VPS37A: variants seen among roughly 807,000 people sequenced by gnomAD.
The protein encoded by VPS37A is vacuolar protein sorting-associated protein 37A.
A neutral mutation model predicts 49.8 loss-of-function variants in VPS37A; 30 were observed. The observed-to-expected ratio is 0.60, with a 90% CI of 0.45 to 0.82. VPS37A has a LOEUF of 0.82. Among genes scored for constraint, VPS37A ranks in the 40% least tolerant of loss-of-function variants. The pLI is 0.00. For missense variants in VPS37A, 593 were observed against 464.4 expected, an observed-to-expected ratio of 1.28 and a Z score of -2.55; for synonymous variants, 195 against 160.6, an observed-to-expected ratio of 1.21 and a Z score of -1.62.
At chr8:17,331,080 C>G in the VPS37A span, 2 of 1,519,408 alleles carry the variant, frequency 1.3e-6, no homozygotes, top group Non-Finnish European at 1.8e-6. Context: ...AAAATCAAGA[C>G]TATCTTATTC....
chr8:17,287,122 TTAAGA>T (rs1367744596), intron 11 of VPS37A, among the ~76,000 whole-genome samples: 1 of 152,214 alleles, frequency 6.6e-6, no homozygotes, highest in Non-Finnish European at 1.5e-5. Context: ...GTACCTGATG[TTAAGA>T]TGCCTTTCCT....
At chr8:17,279,965 A>G (rs1291135283) in intron 6 of VPS37A, 63 bp from the exon 7 acceptor site, 1 of 1,602,556 alleles carries the variant, frequency 6.2e-7, no homozygotes, top group East Asian at 2.2e-5. Context: ...AATTGTAAAT[A>G]GTTGTCATGG....
chr8:17,248,297 T>A, intron 1 of VPS37A: 1 of 446,922 alleles, frequency 2.2e-6, no homozygotes. Flanking sequence ...GGTACGGCTC[T>A]CCTGTTGCCC....
chr8:17,300,432 C>G (rs1817040063), downstream of VPS37A: 2 of 580,816 alleles, frequency 3.4e-6, no homozygotes, highest in African/African-American at 3.7e-5. Flanking sequence ...TAATACCTGC[C>G]TTGACATAGG....
intron 11 of VPS37A, among the ~76,000 whole-genome samples, chr8:17,290,225 C>T (rs1336782343): frequency 6.6e-6 from 1 of 152,114 alleles, no homozygotes; most frequent in Non-Finnish European, 1.5e-5. Context: ...GCCAGAACTT[C>T]CAGTACTGTG....
the VPS37A span, among the ~76,000 whole-genome samples, chr8:17,331,563 C>T: frequency 3.3e-5 from 5 of 152,160 alleles, no homozygotes; most frequent in East Asian, 1.9e-4. Context: ...TTGCAGTCCC[C>T]GTCAGAGATG....
chr8:17,286,367 C>G lies in VPS37A; in HGVS notation c.1134C>G (p.Ala378=). 6.2e-7 allele frequency: 1 copy of G among 1,613,656 alleles called. No individual in the cohort carries two copies. The highest frequency in any genetic ancestry group is 8.5e-7 in the Non-Finnish European group (1 of 1,179,842). Residue 378 remains alanine (A), a synonymous_variant, in exon 11 of 12, where the codon GCC becomes GCG. Coordinates refer to ENST00000324849, the MANE Select transcript of VPS37A (RefSeq NM_152415.3). ...EKRTICHCRR[A]KEEKLQQAIA... ...TCTAGATTTGCCACTGTAGAAGAGC[C>G]AAGGAAGAGAAACTTCAGCAGGCGA... is the stretch of plus-strand genomic sequence containing the variant.
intron 1 of VPS37A, among the ~76,000 whole-genome samples, chr8:17,261,707 C>G (rs1395707238): frequency 6.6e-6 from 1 of 152,146 alleles, no homozygotes; most frequent in African/African-American, 2.4e-5. Flanking sequence ...CTAATAAGTA[C>G]CTGGAGCAGT....
intron 1 of VPS37A, among the ~76,000 whole-genome samples, chr8:17,256,614 TC>T (rs1300282520): frequency 6.7e-6 from 1 of 149,738 alleles, no homozygotes; most frequent in Non-Finnish European, 1.5e-5. Flanking sequence ...TGTTGATTGT[TC>T]CTTCGCTGTG....
At chr8:17,308,617 G>C in the VPS37A span, among the ~76,000 whole-genome samples, 2 of 152,150 alleles carry the variant, frequency 1.3e-5, no homozygotes, top group Non-Finnish European at 1.5e-5. Context: ...ACTAAGTACA[G>C]CTATACCATT....
At chr8:17,262,759 A>G (rs1299015230) in intron 1 of VPS37A, among the ~76,000 whole-genome samples, 1 of 152,188 alleles carries the variant, frequency 6.6e-6, no homozygotes, top group African/African-American at 2.4e-5. Flanking sequence ...AACATTATGC[A>G]GCCATTAAAA....
chr8:17,331,496 G>C, the VPS37A span, among the ~76,000 whole-genome samples: 2 of 152,250 alleles, frequency 1.3e-5, no homozygotes, highest in Non-Finnish European at 2.9e-5. Flanking sequence ...TGTCAGTGTG[G>C]GTCACATTTT....
chr8:17,327,655 A>G, the VPS37A span, among the ~76,000 whole-genome samples: 1 of 151,994 alleles, frequency 6.6e-6, no homozygotes, highest in Non-Finnish European at 1.5e-5. Context: ...AAAAAAAACT[A>G]TCTCTAAACC....
chr8:17,280,037 A>G lies in VPS37A; in HGVS notation c.723A>G (p.Gln241=). Residue 241 remains glutamine, a synonymous_variant, in exon 7 of 12, where the codon CAA becomes CAG. Coordinates refer to ENST00000324849, the MANE Select transcript of VPS37A (RefSeq NM_152415.3). ...TCTTTTGTGTTTCTAGTGTGTCACAACTCACAGATATGAATGAACAAGAGG... is the reference window on the plus strand; with the variant it reads ...TCTTTTGTGTTTCTAGTGTGTCACAGCTCACAGATATGAATGAACAAGAGG... ...FPELSELSVS[Q]LTDMNEQEEV... 1 of 1,610,666 alleles carries G rather than the reference A, an allele frequency of 6.2e-7. No homozygotes were observed. The highest frequency in any genetic ancestry group is 2.2e-5 in the East Asian group (1 of 44,776).
intron 1 of VPS37A, 100 bp downstream of exon 1, chr8:17,247,469 C>T: frequency 6.9e-7 from 1 of 1,458,232 alleles, no homozygotes; most frequent in Non-Finnish European, 9.2e-7. Context: ...CCCACCAGCT[C>T]CTCATGTGGT....
At chr8:17,304,300 C>G, downstream of VPS37A, 1 of 1,501,264 alleles carries the variant, frequency 6.7e-7, no homozygotes, top group Non-Finnish European at 9.2e-7. Flanking sequence ...CAGTGTCATA[C>G]ACTTTGACCT....
chr8:17,300,166 C>G, downstream of VPS37A: 1 of 1,614,102 alleles, frequency 6.2e-7, no homozygotes, highest in Non-Finnish European at 8.5e-7. Context: ...GCTGGGCTCA[C>G]TTTGCTTACT....
chr8:17,265,849 T>G, intron 1 of VPS37A, 58 bp from the exon 2 acceptor site: 1 of 1,611,396 alleles, frequency 6.2e-7, no homozygotes, highest in Non-Finnish European at 8.5e-7. Context: ...TTAACATTGG[T>G]TTTTAACAAT....
At chr8:17,331,325 T>C in the VPS37A span, 1 of 1,539,130 alleles carries the variant, frequency 6.5e-7, no homozygotes, top group Non-Finnish European at 8.7e-7. Flanking sequence ...ATTACATTGA[T>C]GAAACAATGA....
Sources: gnomAD v4.1 joint callset for allele counts (sites outside exome capture counted in the v4.1 genomes callset) on GRCh38, gnomAD v4.1.1 for gene constraint, MANE v1.5 for transcripts, NCBI Gene and HGNC (gene_info 2026-07-23, HGNC 2026-07-21) for gene names.